Variants in NAALADL2 observed in about 807,000 individuals in gnomAD.
The protein encoded by NAALADL2 is N-acetylated alpha-linked acidic dipeptidase like 2.
Under a neutral mutation model 87.2 loss-of-function variants are expected in NAALADL2, and 76 were observed. The observed-to-expected ratio is 0.87, with a 90% CI of 0.72 to 1.05. NAALADL2 has a LOEUF of 1.05. Ranked by LOEUF, NAALADL2 falls within the 50% of genes least tolerant of loss-of-function variation. The probability of loss-of-function intolerance (pLI) is 0.00; values close to 1 mark genes in which losing one functional copy is unlikely to be tolerated. For synonymous variants in NAALADL2, 354 were observed against 331.0 expected, an observed-to-expected ratio of 1.07 and a Z score of -0.75; for missense variants, 1,089 against 945.8, an observed-to-expected ratio of 1.15 and a Z score of -1.99.
At chr3:174,445,750 T>G (rs970389624) in intron 1 of NAALADL2, among the ~76,000 whole-genome samples, 1 of 152,116 alleles carries the variant, frequency 6.6e-6, no homozygotes, top group Non-Finnish European at 1.5e-5. Context: ...TATATGACCT[T>G]ATGTTTGTGT....
intron 1 of NAALADL2, among the ~76,000 whole-genome samples, chr3:175,095,296 C>T (rs564075283): frequency 7.2e-5 from 11 of 152,068 alleles, no homozygotes; most frequent in Non-Finnish European, 1.3e-4. Flanking sequence ...CCTGAGTTTC[C>T]CTGACACTTT....
chr3:174,492,675 A>G (rs1009155398), intron 1 of NAALADL2, among the ~76,000 whole-genome samples: 6 of 152,236 alleles, frequency 3.9e-5, no homozygotes, highest in Admixed American at 6.5e-5. Context: ...TCCAAATGCA[A>G]CAGAATGTAT....
intron 1 of NAALADL2, among the ~76,000 whole-genome samples, chr3:175,018,137 A>G (rs183227598): frequency 1.0e-3 from 156 of 152,190 alleles, no homozygotes; most frequent in Admixed American, 2.2e-3. Context: ...TTTAGTAGCA[A>G]TATTTCCATT....
At chr3:174,492,964 G>A (rs908097821) in intron 1 of NAALADL2, among the ~76,000 whole-genome samples, 1 of 152,326 alleles carries the variant, frequency 6.6e-6, no homozygotes, top group East Asian at 1.9e-4. Flanking sequence ...GCTGACTGTA[G>A]TGCAAGGATT....
chr3:174,888,207 CA>C (rs1321409786), intron 1 of NAALADL2, among the ~76,000 whole-genome samples: 1 of 152,150 alleles, frequency 6.6e-6, no homozygotes, highest in Non-Finnish European at 1.5e-5. Context: ...ATGTTATCAA[CA>C]AAAACGAGAG....
chr3:174,500,596 T>C (rs75468261), intron 1 of NAALADL2, among the ~76,000 whole-genome samples: 1 of 152,190 alleles, frequency 6.6e-6, no homozygotes, highest in Non-Finnish European at 1.5e-5. Flanking sequence ...ATTGTTTTTT[T>C]AAAATGCCTT....
At chr3:174,564,645 A>G (rs1483963563) in intron 2 of NAALADL2, among the ~76,000 whole-genome samples, 1 of 151,890 alleles carries the variant, frequency 6.6e-6, no homozygotes, top group Non-Finnish European at 1.5e-5. Context: ...TATTTTTCTC[A>G]GCTTGTTCTT....
At chr3:175,528,997 C>T (rs1442041416) in intron 9 of NAALADL2, among the ~76,000 whole-genome samples, 3 of 152,152 alleles carry the variant, frequency 2.0e-5, no homozygotes, top group Non-Finnish European at 2.9e-5. Flanking sequence ...CTCAGCAGGT[C>T]GTGGATTTTT....
At chr3:174,904,762 T>C (rs906713988) in intron 1 of NAALADL2, among the ~76,000 whole-genome samples, 3 of 151,842 alleles carry the variant, frequency 2.0e-5, no homozygotes, top group Non-Finnish European at 2.9e-5. Context: ...TCATACTCTT[T>C]ATAGCTTGAG....
chr3:175,379,625 C>G (rs1767555867), intron 5 of NAALADL2, among the ~76,000 whole-genome samples: 1 of 151,862 alleles, frequency 6.6e-6, no homozygotes, highest in Non-Finnish European at 1.5e-5. Context: ...CGTCTGCCTC[C>G]TGGGTTCAAG....
At chr3:175,554,340 T>A (rs1425742261) in intron 9 of NAALADL2, among the ~76,000 whole-genome samples, 1 of 152,178 alleles carries the variant, frequency 6.6e-6, no homozygotes, top group East Asian at 1.9e-4. Context: ...GGATTCACAT[T>A]TTTAAAAATA....
chr3:174,693,121 T>TA (rs1351440725), intron 2 of NAALADL2, among the ~76,000 whole-genome samples: 1 of 151,980 alleles, frequency 6.6e-6, no homozygotes, highest in African/African-American at 2.4e-5. Flanking sequence ...GTACTGCTCT[T>TA]AGGGCCATCA....
At chr3:174,919,069 T>C (rs557360346) in intron 1 of NAALADL2, among the ~76,000 whole-genome samples, 96 of 152,242 alleles carry the variant, frequency 6.3e-4, no homozygotes, top group African/African-American at 2.2e-3. Flanking sequence ...AATTTAAAAA[T>C]ATTTTATTGC....
chr3:175,422,998 G>C lies in NAALADL2; in HGVS notation c.1091-24231G>C, dbSNP rs560520600. Among the ~76,000 whole-genome samples the C allele has an allele frequency of 1.6e-5, 2 of 127,404 alleles. 1 individual carries two copies. Among genetic ancestry groups the C allele is most frequent in the South Asian group, 5.1e-4 (2 of 3,954 alleles). 83.6% of individuals were successfully genotyped at this position (127,404 alleles called of 152,430 possible). A position where few individuals can be genotyped will look rare whatever the true frequency, so the allele number is the denominator to read the frequency against. On this transcript the variant is annotated intron_variant, in intron 5 of 13. Transcript: ENST00000454872. The stretch of plus-strand genomic sequence containing the variant: ...TTCCTTGATGATTGCATTTCAAAGA[G>C]ATGGCTCCCAGGTCCTTAAGAAAAA...
intron 1 of NAALADL2, among the ~76,000 whole-genome samples, chr3:174,468,182 T>C (rs1716651732): frequency 6.6e-6 from 1 of 152,110 alleles, no homozygotes; most frequent in Non-Finnish European, 1.5e-5. Flanking sequence ...AAAGAAAATC[T>C]GTCTAAGGTA....
intron 9 of NAALADL2, among the ~76,000 whole-genome samples, chr3:175,476,003 A>G (rs1034010031): frequency 1.1e-4 from 16 of 152,212 alleles, no homozygotes; most frequent in African/African-American, 3.4e-4. Flanking sequence ...GATTACGGCC[A>G]TGAGCCACTG....
In NAALADL2 at chr3:174,798,400, G is replaced by A. The variant is rs374354491; in HGVS notation, c.-9+60654G>A. On this transcript the variant is annotated intron_variant, in intron 3 of 3. Transcript: ENST00000434257. ...TTGTTCTCTCTTGTTAAGATTATTC[G>A]GCCTCTTCTGGGTGTATTGAAGTTC... Among the ~76,000 whole-genome samples the A allele has an allele frequency of 7.9e-5, 12 of 152,094 alleles. No homozygotes were observed. The South Asian group carries it at 2.5e-3, about 32-fold the overall frequency.
intron 1 of NAALADL2, among the ~76,000 whole-genome samples, chr3:175,055,858 T>G (rs1009086139): frequency 6.6e-6 from 1 of 152,166 alleles, no homozygotes; most frequent in African/African-American, 2.4e-5. Context: ...GCCAACAAAG[T>G]AGCTTTATGC....
intron 5 of NAALADL2, among the ~76,000 whole-genome samples, chr3:175,430,183 T>C (rs985601177): frequency 1.3e-5 from 2 of 151,986 alleles, no homozygotes; most frequent in Non-Finnish European, 1.5e-5. Context: ...TTATATTCTT[T>C]GGCCGTTAAA....
Sources: allele counts gnomAD v4.1 joint callset (sites outside exome capture counted in the v4.1 genomes callset), GRCh38; gene constraint gnomAD v4.1.1; transcripts MANE v1.5; gene names NCBI Gene and HGNC (gene_info 2026-07-23, HGNC 2026-07-21).